Variants in PC observed in about 807,000 individuals in gnomAD.
PC encodes the protein pyruvate carboxylase, mitochondrial.
PC carries 46 observed loss-of-function variants against 107.8 expected under a neutral mutation model. The observed-to-expected ratio is 0.43, with a 90% CI of 0.34 to 0.55. PC has a LOEUF of 0.55. Ranked by LOEUF, PC falls within the 20% of genes least tolerant of loss-of-function variation. PC has a pLI of 0.04. For missense variants in PC, 1,241 were observed against 1,643.1 expected, an observed-to-expected ratio of 0.76 and a Z score of 4.23; for synonymous variants, 662 against 684.7, an observed-to-expected ratio of 0.97 and a Z score of 0.52.
intron 3 of PC, among the ~76,000 whole-genome samples, chr11:66,951,018 T>C (rs550098388): frequency 8.0e-4 from 122 of 152,132 alleles, no homozygotes; most frequent in African/African-American, 2.9e-3. Flanking sequence ...CCCATTGCCC[T>C]TACTCAATGG....
intron 3 of PC, 143 bp from the exon 4 acceptor site, chr11:66,872,302 T>G: frequency 1.0e-6 from 1 of 988,292 alleles, no homozygotes; most frequent in Non-Finnish European, 1.5e-6. Flanking sequence ...AAGCCCAACA[T>G]TTCCTGGCTC....
In PC at chr11:66,857,741, C is replaced by T. The variant is rs1945952814; in HGVS notation, c.1369-4358G>A. On this transcript the variant is annotated intron_variant, in intron 12 of 22. Transcript: ENST00000393960. This position sits in a 1 kb window ranked among gnomAD's most constrained non-coding sequence, Gnocchi z 7.1. ...CTGTGGCCCCTTCCTACAGGGCGCT[C>T]ACCATGGCCCCGCCGCTCCTGCTGC... The T allele has an allele frequency of 5.7e-6, 9 of 1,588,956 alleles. No individual in the cohort carries two copies. Among genetic ancestry groups the T allele is most frequent in the Non-Finnish European group, 7.7e-6 (9 of 1,174,058 alleles).
At chr11:66,923,765 C>G (rs1011673125) in intron 3 of PC, among the ~76,000 whole-genome samples, 2 of 151,680 alleles carry the variant, frequency 1.3e-5, no homozygotes, top group Non-Finnish European at 2.9e-5. Context: ...AGTGATCTGC[C>G]CACCTTGGCC....
chr11:66,859,747 C>T lies in PC; in HGVS notation c.1368+4027G>A, dbSNP rs149781539. Reference sequence around the variant, plus strand: ...CCGGCCGCTGGGCCCTCTGACCTCACGGCCACCAGGCTGCTGGGCTGTGCC... The same window carrying T: ...CCGGCCGCTGGGCCCTCTGACCTCATGGCCACCAGGCTGCTGGGCTGTGCC... On this transcript the variant is annotated intron_variant, in intron 12 of 22. Coordinates refer to ENST00000393960, the MANE Select transcript of PC (RefSeq NM_001040716.2). 3.2e-5 allele frequency: 52 copies of T among 1,609,126 alleles called. No individual in the cohort carries two copies. Among genetic ancestry groups the T allele is most frequent in the Admixed American group, 2.2e-4 (13 of 59,552 alleles).
chr11:66,871,014 G>A lies in PC; in HGVS notation c.633+38C>T, dbSNP rs111537692. On this transcript the variant is annotated intron_variant, in intron 7 of 22. Coordinates refer to ENST00000393960, the MANE Select transcript of PC (RefSeq NM_001040716.2). This position sits in a 1 kb window ranked among gnomAD's most constrained non-coding sequence, Gnocchi z 7.4. ...TCCGCCCCTGCCCCCACGGCAGGCTGCCCTGCCCTGCTCCCAGCCCTGGGC... is the reference window on the plus strand; with the variant it reads ...TCCGCCCCTGCCCCCACGGCAGGCTACCCTGCCCTGCTCCCAGCCCTGGGC... 1.2e-6 allele frequency: 2 copies of A among 1,612,380 alleles called. No homozygotes were observed. The highest frequency in any genetic ancestry group is 1.7e-6 in the Non-Finnish European group (2 of 1,178,928).
In PC at chr11:66,866,966, C is replaced by A. The variant is rs1356919929; in HGVS notation, c.1023-617G>T. ...TTCCTGCTGGACTTGTGCCCAAAAC[C>A]CCCTAGAGATGCTTGGAGAGTGCAA... is the stretch of plus-strand genomic sequence containing the variant. On this transcript the variant is annotated intron_variant, in intron 10 of 22. Transcript: ENST00000393960. This position sits in a 1 kb window ranked among gnomAD's most constrained non-coding sequence, Gnocchi z 5.4. Among the ~76,000 whole-genome samples, 2 of 152,134 alleles carry A rather than the reference C, an allele frequency of 1.3e-5. No homozygotes were observed. Among genetic ancestry groups the A allele is most frequent in the Admixed American group, 1.3e-4 (2 of 15,272 alleles).
intron 3 of PC, among the ~76,000 whole-genome samples, chr11:66,872,417 G>T (rs1263895968): frequency 1.3e-5 from 2 of 152,150 alleles, no homozygotes; most frequent in African/African-American, 4.8e-5. Flanking sequence ...TGTTGCCTAG[G>T]CTGGTCGCAA....
At chr11:66,860,622 G>A (rs1473159121) in intron 12 of PC, 1 of 701,712 alleles carries the variant, frequency 1.4e-6, no homozygotes, top group Admixed American at 2.0e-5. Context: ...CCTGTCCACA[G>A]GGGCGGCCCA....
rs1946334919 is a variant in PC, at chr11:66,862,956, T to C, written c.1368+818A>G. Reference sequence around the variant, plus strand: ...AGGCCAGGTGAGGAGAGCAGGGGGCTGGCGGGGGCCTGACACTGTGCAAAG... The same window carrying C: ...AGGCCAGGTGAGGAGAGCAGGGGGCCGGCGGGGGCCTGACACTGTGCAAAG... On this transcript the variant is annotated intron_variant, in intron 12 of 22. Transcript: ENST00000393960. Among the ~76,000 whole-genome samples the C allele has an allele frequency of 2.0e-5, 3 of 152,194 alleles. No homozygotes were observed. In the South Asian group the frequency reaches 6.2e-4, roughly 31 times the overall value.
chr11:66,853,315 C>T lies in PC; in HGVS notation c.1437G>A (p.Gln479=). Residue 479 remains glutamine (Q), a synonymous_variant, in exon 13 of 23, where the codon CAG becomes CAA. Transcript: ENST00000393960. ...QQFLAGTVDT[Q]FIDENPELFQ... is the part of the protein sequence containing the mutation. The stretch of plus-strand genomic sequence containing the variant: ...ACAGCTCTGGGTTCTCGTCGATGAA[C>T]TGGGTGTCCACAGTGCCTGCCAGGA... 6.2e-7 allele frequency: 1 copy of T among 1,614,090 alleles called. No individual in the cohort carries two copies.
At chr11:66,883,641 C>T (rs902254943) in intron 3 of PC, among the ~76,000 whole-genome samples, 1 of 152,176 alleles carries the variant, frequency 6.6e-6, no homozygotes, top group Admixed American at 6.5e-5. Flanking sequence ...ACTGTTAGGG[C>T]CCTGGGCACA....
chr11:66,866,261 C>G lies in PC; in HGVS notation c.1111G>C (p.Gly371Arg). 1 of 1,613,042 alleles carries G rather than the reference C, an allele frequency of 6.2e-7. No individual in the cohort carries two copies. The highest frequency in any genetic ancestry group is 1.7e-5 in the Admixed American group (1 of 60,022). ...GTGACCCGGCACTGGATGGCACACC[C>G]GTTGATGCGGATGTTCTCCTGCCGC... is the stretch of plus-strand genomic sequence containing the variant. ...GLRQENIRIN[G>R]CAIQCRVTTE... Residue 371 changes from glycine to arginine, a missense_variant, in exon 11 of 23, where the codon GGG becomes CGG. This residue lies in a region of PC where 1,143 missense variants were observed against 1,551.9 expected (regional missense o/e 0.74). Transcript: ENST00000393960. This position sits in a 1 kb window ranked among gnomAD's most constrained non-coding sequence, Gnocchi z 5.4.
At chr11:66,951,997 G>A (rs1949450755) in intron 3 of PC, among the ~76,000 whole-genome samples, 1 of 152,182 alleles carries the variant, frequency 6.6e-6, no homozygotes, top group African/African-American at 2.4e-5. Context: ...ACCGTGACTG[G>A]CAAAGGTTGA....
chr11:66,938,489 C>G (rs1307761866), intron 3 of PC, among the ~76,000 whole-genome samples: 1 of 152,066 alleles, frequency 6.6e-6, no homozygotes, highest in Admixed American at 6.6e-5. Flanking sequence ...ATTTAAGTAC[C>G]TAGTACTCGA....
intron 3 of PC, among the ~76,000 whole-genome samples, chr11:66,883,336 GC>G (rs1308280435): frequency 6.6e-5 from 10 of 152,192 alleles, no homozygotes; most frequent in Non-Finnish European, 8.8e-5. Flanking sequence ...GGCCAACACT[GC>G]CCCCTGGCGC....
At chr11:66,882,518 C>T (rs1947220198) in intron 3 of PC, among the ~76,000 whole-genome samples, 1 of 152,184 alleles carries the variant, frequency 6.6e-6, no homozygotes, top group African/African-American at 2.4e-5. Flanking sequence ...TGCTGGAGAG[C>T]AGCAGAGGGC....
At chr11:66,942,692 C>T (rs1267757256) in intron 3 of PC, among the ~76,000 whole-genome samples, 1 of 151,992 alleles carries the variant, frequency 6.6e-6, no homozygotes, top group Non-Finnish European at 1.5e-5. Flanking sequence ...ATACTTAATA[C>T]CACTGAACTG....
chr11:66,855,584 C>T (rs945955526), intron 12 of PC, among the ~76,000 whole-genome samples: 5 of 152,158 alleles, frequency 3.3e-5, no homozygotes, highest in African/African-American at 9.7e-5. Context: ...CAGGCATGAA[C>T]CACTGCACCC....
At chr11:66,943,319 T>G (rs1424271508) in intron 3 of PC, among the ~76,000 whole-genome samples, 1 of 151,788 alleles carries the variant, frequency 6.6e-6, no homozygotes, top group Non-Finnish European at 1.5e-5. Context: ...AGGAGCTGCC[T>G]TGTCCCTTCC....
Sources: gnomAD v4.1 joint callset for allele counts (sites outside exome capture counted in the v4.1 genomes callset) on GRCh38, gnomAD v4.1.1 for gene constraint, gnomAD v4.1.1 regional missense constraint, Gnocchi (gnomAD v3.1) non-coding constraint, MANE v1.5 for transcripts, NCBI Gene and HGNC (gene_info 2026-07-23, HGNC 2026-07-21) for gene names.